The following GABBR2 variants were observed in gnomAD, a reference collection of about 807,000 sequenced individuals.
GABBR2 encodes G-protein coupled receptor 51.
In GABBR2, 23 loss-of-function variants were observed where a neutral mutation model predicts 105.6. The observed-to-expected ratio is 0.22, with a 90% CI of 0.16 to 0.31. The LOEUF (loss-of-function observed/expected upper bound fraction) is 0.31. GABBR2 is among the 10% of genes least tolerant of loss of function. The pLI is 1.00. For synonymous variants in GABBR2, 478 were observed against 499.7 expected (o/e 0.96, Z 0.58); for missense variants, 734 against 1,245.5 (o/e 0.59, Z 6.18).
At chr9:98,327,615 TCCC>T (rs1830945850) in intron 13 of GABBR2, among the ~76,000 whole-genome samples, 1 of 152,090 alleles carries the variant, frequency 6.6e-6, no homozygotes, top group Non-Finnish European at 1.5e-5. Context: ...ATGTCTGTAA[TCCC>T]AGCACTTTGG....
At chr9:98,627,959 A>C (rs1829767526) in intron 1 of GABBR2, among the ~76,000 whole-genome samples, 1 of 152,162 alleles carries the variant, frequency 6.6e-6, no homozygotes, top group Non-Finnish European at 1.5e-5. Context: ...AGGCAGCCAG[A>C]CTTTCTGCTG....
At chr9:98,517,582 T>TGAGGAA (rs576669652) in intron 3 of GABBR2, among the ~76,000 whole-genome samples, 242 of 152,288 alleles carry the variant, frequency 1.6e-3, no homozygotes, top group African/African-American at 5.7e-3. Flanking sequence ...TCATTGTAAG[T>TGAGGAA]GAGGAAAGGA....
intron 14 of GABBR2, among the ~76,000 whole-genome samples, chr9:98,307,573 A>T (rs1476053660): frequency 6.6e-6 from 1 of 152,164 alleles, no homozygotes; most frequent in Non-Finnish European, 1.5e-5. Context: ...ATGGCAGCAT[A>T]ACGCTGTGTG....
At chr9:98,462,073 C>T (rs566758524) in intron 6 of GABBR2, among the ~76,000 whole-genome samples, 1 of 152,292 alleles carries the variant, frequency 6.6e-6, no homozygotes, top group South Asian at 2.1e-4. Flanking sequence ...CAAACCAAAT[C>T]ATCAAGACAG....
chr9:98,295,422 G>A (rs1225065372), intron 17 of GABBR2, among the ~76,000 whole-genome samples: 2 of 152,220 alleles, frequency 1.3e-5, no homozygotes, highest in Non-Finnish European at 2.9e-5. Flanking sequence ...GGGCTGTGAT[G>A]TGCCTTATGG....
At chr9:98,640,121 CAT>C (rs6151094) in intron 1 of GABBR2, among the ~76,000 whole-genome samples, 20,174 of 140,786 alleles carry the variant, frequency 0.14, 2,078 homozygotes, top group East Asian at 0.48. Context: ...AAAATACAAC[CAT>C]ATATATATAT....
At chr9:98,480,518 G>C (rs981919931) in intron 5 of GABBR2, among the ~76,000 whole-genome samples, 3 of 152,190 alleles carry the variant, frequency 2.0e-5, no homozygotes, top group African/African-American at 7.2e-5. Flanking sequence ...TTTGTCATCT[G>C]TCACTAGACA....
chr9:98,684,169 T>TTAAAAAAAAAAAAAAAA lies in GABBR2; in HGVS notation c.321+24247_321+24248insTTTTTTTTTTTTTTTTA, dbSNP rs376323708. 3.0e-5 allele frequency among the ~76,000 whole-genome samples: 2 copies of TTAAAAAAAAAAAAAAAA among 66,116 alleles called. 1 individual carries two copies. The highest frequency in any genetic ancestry group is 5.4e-5 in the Non-Finnish European group (2 of 36,722). 43.4% of individuals were successfully genotyped at this position (66,116 alleles called of 152,430 possible). ...AAAAGAAGAATGCATTTTACCACGG[T>TTAAAAAAAAAAAAAAAA]AAAAAAAAAAAAAAAAAAAAAAAAA... On this transcript the variant is annotated intron_variant, in intron 1 of 18. Transcript: ENST00000259455.
At position 98,388,836 on chromosome 9, in the gene GABBR2, A is replaced by T. The variant is rs1377782215; in HGVS notation, c.1529+18T>A. On this transcript the variant is annotated intron_variant, in intron 10 of 18. Coordinates refer to ENST00000259455, the MANE Select transcript of GABBR2 (RefSeq NM_005458.8). The surrounding 1 kb of genome is among the most constrained non-coding windows in gnomAD (Gnocchi z 4.4). ...AATTTAGAAAGTGATATCACAGAGG[A>T]GGACCAGGGTGGCTTACTTCTGATT... 6 of 1,603,590 alleles carry T rather than the reference A, an allele frequency of 3.7e-6. No homozygotes were observed. Among genetic ancestry groups the T allele is most frequent in the Non-Finnish European group, 5.1e-6 (6 of 1,172,234 alleles).
At chr9:98,508,742 T>A (rs1004187689) in intron 3 of GABBR2, among the ~76,000 whole-genome samples, 2 of 148,750 alleles carry the variant, frequency 1.3e-5, no homozygotes, top group Admixed American at 1.4e-4. Context: ...GCTGAGTTAG[T>A]TGTTTGATTA....
intron 1 of GABBR2, among the ~76,000 whole-genome samples, chr9:98,685,546 G>C (rs1830609992): frequency 6.6e-6 from 1 of 152,172 alleles, no homozygotes; most frequent in Admixed American, 6.5e-5. Context: ...CACACCTTCT[G>C]ATTTAAATTA....
chr9:98,631,461 A>G (rs188447190), intron 1 of GABBR2, among the ~76,000 whole-genome samples: 15 of 152,350 alleles, frequency 9.8e-5, no homozygotes, highest in Admixed American at 7.8e-4. Flanking sequence ...TATTCAACAC[A>G]TTGAGGATAA....
At chr9:98,293,741 CGT>C (rs1491459841) in intron 18 of GABBR2, 42 bp downstream of exon 18, 8 of 1,046,710 alleles carry the variant, frequency 7.6e-6, no homozygotes, top group South Asian at 5.4e-5. Context: ...GCAGGAGTGA[CGT>C]ATTTCTTCTT....
intron 1 of GABBR2, among the ~76,000 whole-genome samples, chr9:98,603,052 C>G (rs1397842847): frequency 1.5e-5 from 1 of 67,618 alleles, no homozygotes; most frequent in African/African-American, 8.6e-5. Flanking sequence ...ACTTGGCCAC[C>G]CCCAAGGGAC....
At position 98,346,007 on chromosome 9, in the gene GABBR2, A is replaced by G. The variant is rs367609087; in HGVS notation, c.1893+16708T>C. 1.1e-4 allele frequency among the ~76,000 whole-genome samples: 16 copies of G among 152,380 alleles called. No homozygotes were observed. The East Asian group carries it at 3.1e-3, about 29-fold the overall frequency. On this transcript the variant is annotated intron_variant, in intron 13 of 18. Transcript: ENST00000259455. ...AATTAAAAATACCTTATTGTTAAAA[A>G]TGCTAATGATCATCTGAGCCTTCAG...
intron 1 of GABBR2, among the ~76,000 whole-genome samples, chr9:98,662,101 A>G (rs1830272623): frequency 6.6e-6 from 1 of 152,310 alleles, no homozygotes; most frequent in South Asian, 2.1e-4. Context: ...GTTCCTACAT[A>G]CAAATCTTAG....
At chr9:98,594,276 G>A (rs1829195222) in intron 1 of GABBR2, among the ~76,000 whole-genome samples, 1 of 152,168 alleles carries the variant, frequency 6.6e-6, no homozygotes, top group African/African-American at 2.4e-5. Flanking sequence ...ACTCATTTCT[G>A]GCCCGCCTCC....
At chr9:98,667,829 G>A (rs1352767987) in intron 1 of GABBR2, among the ~76,000 whole-genome samples, 3 of 152,210 alleles carry the variant, frequency 2.0e-5, no homozygotes, top group Non-Finnish European at 4.4e-5. Flanking sequence ...AGTGGATACT[G>A]TGGGGCTCCA....
chr9:98,292,369 C>T (rs75876067), intron 18 of GABBR2, among the ~76,000 whole-genome samples: 2,932 of 152,346 alleles, frequency 0.019, 42 homozygotes, highest in Middle Eastern at 0.037. Context: ...ATTCTTGCTG[C>T]TTCTGTTCAA....
Sources: allele counts gnomAD v4.1 joint callset (sites outside exome capture counted in the v4.1 genomes callset), GRCh38; gene constraint gnomAD v4.1.1; non-coding constraint Gnocchi (gnomAD v3.1); transcripts MANE v1.5; gene names NCBI Gene and HGNC (gene_info 2026-07-23, HGNC 2026-07-21).